The following SLC35H1 variants were observed in gnomAD, a reference collection of about 807,000 sequenced individuals.
SLC35H1 encodes ovarian cancer-overexpressed gene 1 protein.
At chr20:46,356,624 C>T in the SLC35H1 span, 48 of 1,613,844 alleles carry the variant, frequency 3.0e-5, no homozygotes, top group South Asian at 4.4e-4. Context: ...CCACGTCAAG[C>T]GCCGTCGCCA....
the SLC35H1 span, chr20:46,356,762 T>C: frequency 8.4e-4 from 687 of 820,928 alleles, no homozygotes; most frequent in Non-Finnish European, 1.2e-3. Context: ...TGTGGGGCCC[T>C]TGGGCCTTCT....
At chr20:46,363,696 T>A in the SLC35H1 span, among the ~76,000 whole-genome samples, 33 of 152,338 alleles carry the variant, frequency 2.2e-4, no homozygotes, top group East Asian at 4.6e-3. Flanking sequence ...CTGGTCTAAC[T>A]GGTCTCCCTG....
At chr20:46,354,933 G>A in the SLC35H1 span, 17 of 1,613,652 alleles carry the variant, frequency 1.1e-5, no homozygotes, top group Non-Finnish European at 1.3e-5. Flanking sequence ...AGTGGCTGCA[G>A]GTGGAACATG....
chr20:46,350,542 C>G, the SLC35H1 span: 4 of 1,573,334 alleles, frequency 2.5e-6, no homozygotes, highest in Non-Finnish European at 3.4e-6. Flanking sequence ...TAGAGAGAGA[C>G]CACAGTTACA....
chr20:46,361,454 AC>A, the SLC35H1 span, among the ~76,000 whole-genome samples: 2 of 152,188 alleles, frequency 1.3e-5, no homozygotes, highest in Non-Finnish European at 2.9e-5. Context: ...TTCTCCTGCA[AC>A]CACCACCATC....
chr20:46,358,660 C>G, the SLC35H1 span: 1 of 1,552,524 alleles, frequency 6.4e-7, no homozygotes, highest in Admixed American at 2.0e-5. Flanking sequence ...TGATTCGGAA[C>G]CATCAGCAGA....
the SLC35H1 span, chr20:46,357,565 A>C: frequency 1.9e-6 from 3 of 1,579,044 alleles, no homozygotes; most frequent in Non-Finnish European, 2.6e-6. Context: ...TCTTGTTCTC[A>C]TCCTATGGTT....
the SLC35H1 span, chr20:46,350,731 CAG>C: frequency 5.0e-6 from 8 of 1,606,926 alleles, no homozygotes; most frequent in Admixed American, 1.2e-4. Flanking sequence ...GAACAGAAAA[CAG>C]AGGCTTCTGG....
chr20:46,359,152 C>G, the SLC35H1 span, among the ~76,000 whole-genome samples: 1 of 152,234 alleles, frequency 6.6e-6, no homozygotes, highest in African/African-American at 2.4e-5. Context: ...CCCAAACACA[C>G]CAGCTTTCTT....
the SLC35H1 span, chr20:46,356,594 G>T: frequency 6.2e-7 from 1 of 1,614,052 alleles, no homozygotes; most frequent in Non-Finnish European, 8.5e-7. Flanking sequence ...TGACATACAG[G>T]AAGCTCCAGT....
At chr20:46,363,526 T>C in the SLC35H1 span, among the ~76,000 whole-genome samples, 11 of 152,366 alleles carry the variant, frequency 7.2e-5, no homozygotes, top group South Asian at 1.2e-3. Context: ...AAACCAAAAA[T>C]CTATGATGAA....
At chr20:46,362,253 G>A in the SLC35H1 span, among the ~76,000 whole-genome samples, 5 of 152,172 alleles carry the variant, frequency 3.3e-5, no homozygotes, top group Non-Finnish European at 7.3e-5. Flanking sequence ...TTTTATAAGG[G>A]AAACAAGATT....
chr20:46,357,731 C>T, the SLC35H1 span: 41 of 1,613,966 alleles, frequency 2.5e-5, no homozygotes, highest in South Asian at 6.6e-5. Flanking sequence ...AGGAAGATCA[C>T]GGCCAGGTGC....
the SLC35H1 span, chr20:46,355,233 T>C: frequency 6.2e-7 from 1 of 1,613,108 alleles, no homozygotes; most frequent in East Asian, 2.2e-5. The surrounding 1 kb of genome is among the most constrained non-coding windows in gnomAD (Gnocchi z 4.8). Flanking sequence ...CCAGGACCAG[T>C]GCCGCGCGCT....
chr20:46,352,698 T>C, the SLC35H1 span: 1 of 149,610 alleles, frequency 6.7e-6, no homozygotes, highest in Non-Finnish European at 1.4e-5. Context: ...GGGATCCTAG[T>C]GGGATGATGA....
chr20:46,357,768 G>A, the SLC35H1 span: 1 of 1,614,094 alleles, frequency 6.2e-7, no homozygotes, highest in Non-Finnish European at 8.5e-7. Flanking sequence ...GGGGGAAATG[G>A]AAGCTCTGTA....
chr20:46,352,617 T>C, the SLC35H1 span: 1 of 168,626 alleles, frequency 5.9e-6, no homozygotes, highest in Non-Finnish European at 1.2e-5. Flanking sequence ...CCTAGCGGGA[T>C]GACGATGGGA....
At chr20:46,356,365 G>A in the SLC35H1 span, among the ~76,000 whole-genome samples, 2 of 152,228 alleles carry the variant, frequency 1.3e-5, no homozygotes. Flanking sequence ...TGCCTGGCAG[G>A]TGGGCACAGC....
chr20:46,357,131 C>T, the SLC35H1 span, among the ~76,000 whole-genome samples: 16 of 152,356 alleles, frequency 1.1e-4, no homozygotes, highest in African/African-American at 3.6e-4. Context: ...CCTCGGGCCA[C>T]GAGGGCCCCT....
Sources: gnomAD v4.1 joint callset for allele counts (sites outside exome capture counted in the v4.1 genomes callset) on GRCh38, gnomAD v4.1.1 for gene constraint, Gnocchi (gnomAD v3.1) non-coding constraint, MANE v1.5 for transcripts, NCBI Gene and HGNC (gene_info 2026-07-23, HGNC 2026-07-21) for gene names.